The following TENM3 variants were observed in gnomAD, a reference collection of about 807,000 sequenced individuals.
TENM3 encodes the protein teneurin transmembrane protein 3, also known as teneurin-3.
In TENM3, 63 loss-of-function variants were observed where a neutral mutation model predicts 255.1. The observed-to-expected ratio is 0.25, with a 90% CI of 0.20 to 0.30. The LOEUF is 0.30. Ranked by LOEUF, TENM3 falls within the 10% of genes least tolerant of loss-of-function variation. The probability of loss-of-function intolerance (pLI) is 1.00; values close to 1 mark genes in which losing one functional copy is unlikely to be tolerated. For missense variants in TENM3, 2,929 were observed against 3,461.1 expected (o/e 0.85, Z 3.86); for synonymous variants, 1,306 against 1,322.3 (o/e 0.99, Z 0.27).
At chr4:181,738,169 A>G in the TENM3 span, among the ~76,000 whole-genome samples, 12 of 152,304 alleles carry the variant, frequency 7.9e-5, no homozygotes, top group Admixed American at 7.8e-4. Flanking sequence ...CGAGCTATAT[A>G]CCTGTAAAAT....
At chr4:182,679,257 A>G (rs1371510749) in intron 7 of TENM3, among the ~76,000 whole-genome samples, 1 of 152,210 alleles carries the variant, frequency 6.6e-6, no homozygotes, top group Admixed American at 6.5e-5. Flanking sequence ...CCGGGAGGGC[A>G]CTCAAAATAC....
intron 11 of TENM3, among the ~76,000 whole-genome samples, chr4:182,682,292 A>G (rs1387958478): frequency 6.6e-6 from 1 of 152,318 alleles, no homozygotes; most frequent in East Asian, 1.9e-4. Context: ...CAATTTATGG[A>G]ACTACTAACC....
intron 4 of TENM3, among the ~76,000 whole-genome samples, chr4:182,628,320 T>C (rs1751029361): frequency 6.6e-6 from 1 of 152,164 alleles, no homozygotes. Context: ...CATTCCAAAA[T>C]GGTTTTGTTC....
At chr4:181,910,610 A>AT in the TENM3 span, among the ~76,000 whole-genome samples, 1 of 147,294 alleles carries the variant, frequency 6.8e-6, no homozygotes. Context: ...ATATATATAT[A>AT]AATACACGTG....
chr4:182,431,760 A>G (rs1771665940), intron 3 of TENM3, among the ~76,000 whole-genome samples: 1 of 152,022 alleles, frequency 6.6e-6, no homozygotes, highest in African/African-American at 2.4e-5. Flanking sequence ...AGCACTGGAC[A>G]TCATGGTGTA....
chr4:182,279,388 A>G (rs1760225060), intron 1 of TENM3, among the ~76,000 whole-genome samples: 1 of 152,146 alleles, frequency 6.6e-6, no homozygotes, highest in Non-Finnish European at 1.5e-5. Context: ...AGTACTCCTC[A>G]TAGTCTGGAA....
chr4:182,654,100 GC>G (rs2152517061), intron 6 of TENM3, among the ~76,000 whole-genome samples: 1 of 152,096 alleles, frequency 6.6e-6, no homozygotes, highest in Non-Finnish European at 1.5e-5. Context: ...ATGATTTTCT[GC>G]CTTCTGATTT....
chr4:182,494,275 C>T (rs751524520), intron 3 of TENM3, among the ~76,000 whole-genome samples: 1 of 152,064 alleles, frequency 6.6e-6, no homozygotes, highest in Non-Finnish European at 1.5e-5. Context: ...ACAGTAGTCC[C>T]CCCTGATCAC....
At chr4:181,577,043 T>G in the TENM3 span, among the ~76,000 whole-genome samples, 3 of 127,968 alleles carry the variant, frequency 2.3e-5, no homozygotes, top group Non-Finnish European at 4.8e-5. Context: ...TATATTTTAT[T>G]ATATAATAAT....
At chr4:181,770,655 A>G in the TENM3 span, among the ~76,000 whole-genome samples, 1 of 144,884 alleles carries the variant, frequency 6.9e-6, no homozygotes, top group African/African-American at 2.6e-5. Flanking sequence ...AGCCTGGGCA[A>G]CAGAGCCAGA....
At chr4:182,314,144 C>CA (rs944141679) in intron 1 of TENM3, among the ~76,000 whole-genome samples, 19 of 151,912 alleles carry the variant, frequency 1.3e-4, no homozygotes, top group African/African-American at 4.6e-4. Flanking sequence ...ACTAAAAATA[C>CA]AAAAAAATTA....
intron 12 of TENM3, among the ~76,000 whole-genome samples, chr4:182,701,422 G>C (rs750480947): frequency 6.6e-6 from 1 of 151,490 alleles, no homozygotes; most frequent in Admixed American, 6.6e-5. Context: ...AGGTTTCCTC[G>C]TGTTAGCCAG....
chr4:181,704,974 A>T, the TENM3 span, among the ~76,000 whole-genome samples: 2 of 151,734 alleles, frequency 1.3e-5, no homozygotes, highest in Non-Finnish European at 2.9e-5. Context: ...GGTTGCAGTG[A>T]GCCCAGATCA....
intron 1 of TENM3, among the ~76,000 whole-genome samples, chr4:182,321,899 C>T (rs1028737788): frequency 2.1e-5 from 3 of 144,990 alleles, no homozygotes; most frequent in Non-Finnish European, 4.6e-5. Flanking sequence ...GAGCCAAGAG[C>T]GCGCCACTGC....
the TENM3 span, among the ~76,000 whole-genome samples, chr4:181,617,109 A>G: frequency 6.6e-6 from 1 of 152,190 alleles, no homozygotes; most frequent in Non-Finnish European, 1.5e-5. Flanking sequence ...CAATCTTCAC[A>G]AAATTATGCA....
intron 2 of TENM3, among the ~76,000 whole-genome samples, chr4:182,341,228 A>AT (rs963884626): frequency 6.6e-6 from 1 of 152,166 alleles, no homozygotes; most frequent in African/African-American, 2.4e-5. Context: ...ATAGGCTTTA[A>AT]TTTTTTCTTT....
the TENM3 span, among the ~76,000 whole-genome samples, chr4:181,666,550 T>C: frequency 7.9e-5 from 12 of 152,258 alleles, no homozygotes; most frequent in African/African-American, 2.9e-4. Flanking sequence ...AGAGGCCAAC[T>C]CTATAACTAG....
the TENM3 span, among the ~76,000 whole-genome samples, chr4:181,676,711 T>G: frequency 6.6e-6 from 1 of 152,114 alleles, no homozygotes; most frequent in East Asian, 1.9e-4. Flanking sequence ...TGAAAGGAGA[T>G]TATTTATTTG....
intron 5 of TENM3, 146 bp from the exon 6 acceptor site, chr4:182,653,625 A>G (rs1753513486): frequency 1.0e-5 from 9 of 879,506 alleles, no homozygotes; most frequent in Middle Eastern, 2.3e-4. Context: ...TCTTTGTTTT[A>G]TAATTTTCAT....
Sources: gnomAD v4.1 joint callset for allele counts (sites outside exome capture counted in the v4.1 genomes callset) on GRCh38, gnomAD v4.1.1 for gene constraint, MANE v1.5 for transcripts, NCBI Gene and HGNC (gene_info 2026-07-23, HGNC 2026-07-21) for gene names.